Variants in CHN2 observed in about 807,000 individuals in gnomAD.
CHN2 encodes beta-chimaerin.
A neutral mutation model predicts 56.3 loss-of-function variants in CHN2; 35 were observed. That is an observed-to-expected ratio of 0.62 (90% CI 0.47 to 0.82). The LOEUF is 0.82. Among genes scored for constraint, CHN2 ranks in the 40% least tolerant of loss-of-function variants. The probability of loss-of-function intolerance (pLI) is 0.00; values close to 1 mark genes in which losing one functional copy is unlikely to be tolerated. For missense variants in CHN2, 491 were observed against 580.5 expected, an observed-to-expected ratio of 0.85 and a Z score of 1.58; for synonymous variants, 210 against 212.8, an observed-to-expected ratio of 0.99 and a Z score of 0.12.
intron 6 of CHN2, among the ~76,000 whole-genome samples, chr7:29,433,882 G>T (rs1481002490): frequency 6.6e-6 from 1 of 151,272 alleles, no homozygotes; most frequent in Non-Finnish European, 1.5e-5. Context: ...AGGAAGGGAG[G>T]AAGGGAGGAA....
intron 1 of CHN2, chr7:29,195,278 G>T (rs1259128781): frequency 7.8e-6 from 3 of 386,672 alleles, no homozygotes; most frequent in Non-Finnish European, 1.4e-5. Context: ...GAAAGGAGCG[G>T]GCAGGCTCGC....
chr7:29,396,136 A>G (rs1801720290), intron 4 of CHN2, among the ~76,000 whole-genome samples: 1 of 152,168 alleles, frequency 6.6e-6, no homozygotes, highest in Non-Finnish European at 1.5e-5. Context: ...GAATTAAAAA[A>G]GAAACATAAG....
intron 1 of CHN2, among the ~76,000 whole-genome samples, chr7:29,241,901 C>T (rs984721416): frequency 2.0e-5 from 3 of 152,122 alleles, no homozygotes; most frequent in Non-Finnish European, 1.5e-5. Context: ...GGAGAGCCAC[C>T]ATCCACCTAG....
intron 3 of CHN2, among the ~76,000 whole-genome samples, chr7:29,383,383 C>T (rs149289069): frequency 4.9e-4 from 74 of 152,250 alleles, no homozygotes; most frequent in African/African-American, 1.7e-3. Flanking sequence ...CCTGCTCTAG[C>T]AGTCAGGAAG....
chr7:29,189,243 C>T (rs940110516), intron 2 of CHN2, among the ~76,000 whole-genome samples: 7 of 152,100 alleles, frequency 4.6e-5, no homozygotes, highest in African/African-American at 7.2e-5. Flanking sequence ...TGAGCCACCG[C>T]GCCCAGCCAG....
chr7:29,208,941 C>G (rs1414041255), intron 1 of CHN2: 1 of 152,164 alleles, frequency 6.6e-6, no homozygotes, highest in Admixed American at 6.5e-5. Context: ...CCCCTGGGAT[C>G]ATATCTGAAA....
At chr7:29,265,374 G>C (rs572477304) in intron 1 of CHN2, among the ~76,000 whole-genome samples, 4 of 152,196 alleles carry the variant, frequency 2.6e-5, no homozygotes, top group Non-Finnish European at 5.9e-5. Context: ...CACTCGCTCT[G>C]CTAGACTTAG....
At chr7:29,170,788 G>T (rs186887974) in intron 2 of CHN2, among the ~76,000 whole-genome samples, 2 of 152,114 alleles carry the variant, frequency 1.3e-5, no homozygotes, top group Admixed American at 6.6e-5. Flanking sequence ...CTGGTGGGGG[G>T]GCCTCACAAT....
At chr7:29,222,138 G>A (rs1453674270) in intron 1 of CHN2, among the ~76,000 whole-genome samples, 1 of 152,042 alleles carries the variant, frequency 6.6e-6, no homozygotes, top group Admixed American at 6.5e-5. Context: ...AAAATACCTA[G>A]GAATACAGCT....
At chr7:29,321,596 A>T (rs1795365009) in intron 1 of CHN2, among the ~76,000 whole-genome samples, 3 of 133,784 alleles carry the variant, frequency 2.2e-5, no homozygotes, top group Non-Finnish European at 3.2e-5. Flanking sequence ...TTGAGATGGA[A>T]TTTCGCTCTT....
At chr7:29,408,214 A>C (rs1250906917) in intron 6 of CHN2, among the ~76,000 whole-genome samples, 1 of 151,916 alleles carries the variant, frequency 6.6e-6, no homozygotes, top group Non-Finnish European at 1.5e-5. Flanking sequence ...AATTAAATTA[A>C]AAAATATATA....
At chr7:29,204,057 T>TTC (rs201492481) in intron 1 of CHN2, among the ~76,000 whole-genome samples, 81 of 125,784 alleles carry the variant, frequency 6.4e-4, no homozygotes, top group East Asian at 6.2e-3. Context: ...GCACACGTTT[T>TTC]TCTCTCTCTC....
At chr7:29,339,783 G>A (rs1290010418) in intron 1 of CHN2, among the ~76,000 whole-genome samples, 2 of 151,930 alleles carry the variant, frequency 1.3e-5, no homozygotes, top group South Asian at 2.1e-4. Context: ...AACTAGGGAG[G>A]TGGAGGTTGC....
intron 2 of CHN2, among the ~76,000 whole-genome samples, chr7:29,159,621 G>A (rs1044452413): frequency 3.3e-5 from 5 of 152,064 alleles, no homozygotes; most frequent in East Asian, 1.9e-4. Context: ...CTCCTTCCCC[G>A]CTTCGTGCAG....
chr7:29,323,412 C>T (rs1276274275), intron 1 of CHN2, among the ~76,000 whole-genome samples: 4 of 152,052 alleles, frequency 2.6e-5, no homozygotes, highest in Admixed American at 1.3e-4. Context: ...AGCAGATGGC[C>T]CCCTCATTAT....
chr7:29,351,046 T>C (rs1797838487), intron 1 of CHN2, among the ~76,000 whole-genome samples: 1 of 142,900 alleles, frequency 7.0e-6, no homozygotes. Flanking sequence ...AGGCGGAGGT[T>C]GCGATGAGCT....
chr7:29,312,288 T>C (rs553753610), intron 1 of CHN2, among the ~76,000 whole-genome samples: 36 of 152,362 alleles, frequency 2.4e-4, no homozygotes, highest in African/African-American at 8.7e-4. Flanking sequence ...CAATCCCTCC[T>C]GCTTCTTCCT....
At chr7:29,353,812 A>G (rs1798081098) in intron 1 of CHN2, among the ~76,000 whole-genome samples, 2 of 152,166 alleles carry the variant, frequency 1.3e-5, no homozygotes, top group South Asian at 4.1e-4. Flanking sequence ...AGTTTGGAAA[A>G]AAAGGATTTT....
chr7:29,152,758 G>T (rs1364286878), intron 2 of CHN2, among the ~76,000 whole-genome samples: 1 of 152,178 alleles, frequency 6.6e-6, no homozygotes, highest in Non-Finnish European at 1.5e-5. Flanking sequence ...GTCTCTTTCG[G>T]TGCACCCCAT....
Sources: allele counts gnomAD v4.1 joint callset (sites outside exome capture counted in the v4.1 genomes callset), GRCh38; gene constraint gnomAD v4.1.1; transcripts MANE v1.5; gene names NCBI Gene and HGNC (gene_info 2026-07-23, HGNC 2026-07-21).